LPP: variants seen among roughly 807,000 people sequenced by gnomAD.
LPP encodes the protein LIM domain containing preferred translocation partner in lipoma.
Under a neutral mutation model 60.4 loss-of-function variants are expected in LPP, and 38 were observed. The observed-to-expected ratio is 0.63, with a 90% CI of 0.49 to 0.83. The LOEUF (loss-of-function observed/expected upper bound fraction) is 0.83. Among genes scored for constraint, LPP ranks in the 40% least tolerant of loss-of-function variants. The probability of loss-of-function intolerance (pLI) is 0.00; values close to 1 mark genes in which losing one functional copy is unlikely to be tolerated. For synonymous variants in LPP, 328 were observed against 290.8 expected, an observed-to-expected ratio of 1.13 and a Z score of -1.30; for missense variants, 902 against 783.6, an observed-to-expected ratio of 1.15 and a Z score of -1.80.
At chr3:188,705,806 G>A (rs952111915) in intron 7 of LPP, among the ~76,000 whole-genome samples, 4 of 151,958 alleles carry the variant, frequency 2.6e-5, no homozygotes, top group South Asian at 2.1e-4. Context: ...TAGTAGATAC[G>A]GGGTTTCACA....
intron 1 of LPP, among the ~76,000 whole-genome samples, chr3:188,217,000 G>A (rs191953837): frequency 1.4e-3 from 219 of 152,256 alleles, no homozygotes; most frequent in Admixed American, 4.7e-3. Flanking sequence ...ACTGTTCTGG[G>A]CATTATCCCA....
At position 188,878,115 on chromosome 3, in the gene LPP, C is replaced by T; in HGVS notation, c.*3636C>T. On this transcript the variant is annotated 3_prime_UTR_variant, in exon 12 of 12. Coordinates refer to ENST00000617246, the MANE Select transcript of LPP (RefSeq NM_001375462.1). ...GAGTTAGTGGAATATAGACAGGACT[C>T]TGAAAACACAACTTCCAGCCATTTT... 4.5e-6 allele frequency: 1 copy of T among 221,530 alleles called. No homozygotes were observed. The highest frequency in any genetic ancestry group is 9.1e-6 in the Non-Finnish European group (1 of 110,478). 13.7% of individuals were successfully genotyped at this position (221,530 alleles called of 1,614,324 possible).
chr3:188,394,894 A>G (rs928368424), intron 3 of LPP, among the ~76,000 whole-genome samples: 4 of 152,182 alleles, frequency 2.6e-5, no homozygotes, highest in Admixed American at 2.0e-4. Context: ...CCAGTTGAAA[A>G]TGCTTCCAAT....
intron 5 of LPP, among the ~76,000 whole-genome samples, chr3:188,511,099 C>CCCTCT (rs1815382094): frequency 8.0e-6 from 1 of 124,804 alleles, no homozygotes; most frequent in Non-Finnish European, 1.7e-5. Context: ...CCCCTCCCTC[C>CCCTCT]CTCCCTCCTT....
chr3:188,812,650 T>C (rs1751325937), intron 9 of LPP, among the ~76,000 whole-genome samples: 1 of 152,160 alleles, frequency 6.6e-6, no homozygotes, highest in African/African-American at 2.4e-5. Flanking sequence ...TAGCGTTCTC[T>C]TTGTAGATGT....
At position 188,309,991 on chromosome 3, in the gene LPP, A is replaced by G. The variant is rs535454756; in HGVS notation, c.-66-31672A>G. Reference sequence around the variant, plus strand: ...TCCTTATTTCTTTAAATGAGAATTGATAATACCCATAACAGAATCTTTCAC... The same window carrying G: ...TCCTTATTTCTTTAAATGAGAATTGGTAATACCCATAACAGAATCTTTCAC... On this transcript the variant is annotated intron_variant, in intron 2 of 11. Coordinates refer to ENST00000617246, the MANE Select transcript of LPP (RefSeq NM_001375462.1). Among the ~76,000 whole-genome samples, 593 of 152,272 alleles carry G rather than the reference A, an allele frequency of 3.9e-3. 2 individuals are homozygous for G. The highest frequency in any genetic ancestry group is 5.3e-3 in the Non-Finnish European group (360 of 68,032).
intron 4 of LPP, among the ~76,000 whole-genome samples, chr3:188,420,523 A>G (rs567383633): frequency 6.6e-6 from 1 of 152,122 alleles, no homozygotes; most frequent in South Asian, 2.1e-4. Flanking sequence ...TTAATTAGGG[A>G]TTTTATTTTG....
chr3:188,454,932 G>T (rs752073435), intron 4 of LPP, among the ~76,000 whole-genome samples: 35 of 152,186 alleles, frequency 2.3e-4, no homozygotes, highest in Admixed American at 5.2e-4. Flanking sequence ...CAAGTTACCT[G>T]CTTATCTAAA....
chr3:188,809,940 C>A (rs1426112610), intron 9 of LPP, among the ~76,000 whole-genome samples: 2 of 152,074 alleles, frequency 1.3e-5, no homozygotes, highest in Non-Finnish European at 2.9e-5. Context: ...AATAAGGAAC[C>A]CTTTCCCCAT....
intron 4 of LPP, among the ~76,000 whole-genome samples, chr3:188,462,251 T>G (rs1799133728): frequency 6.6e-6 from 1 of 151,516 alleles, no homozygotes; most frequent in Non-Finnish European, 1.5e-5. Flanking sequence ...ATTATTATTA[T>G]TCTCATTTTG....
chr3:188,267,422 A>T (rs893779030), intron 2 of LPP, among the ~76,000 whole-genome samples: 4 of 152,192 alleles, frequency 2.6e-5, no homozygotes, highest in Non-Finnish European at 5.9e-5. Flanking sequence ...TTTCTTCTTC[A>T]TGGAAACTCT....
intron 9 of LPP, among the ~76,000 whole-genome samples, chr3:188,803,382 G>A (rs1042293425): frequency 2.0e-5 from 3 of 152,148 alleles, no homozygotes; most frequent in African/African-American, 7.2e-5. Flanking sequence ...ATGTTCATGA[G>A]GTTCTTCTAA....
chr3:188,725,954 A>G (rs919642980), intron 8 of LPP, among the ~76,000 whole-genome samples: 2 of 152,196 alleles, frequency 1.3e-5, no homozygotes, highest in Non-Finnish European at 2.9e-5. Context: ...AACACCAAAA[A>G]AAGTGCAATA....
chr3:188,694,714 A>AAC (rs57715645), intron 7 of LPP, among the ~76,000 whole-genome samples: 10 of 152,108 alleles, frequency 6.6e-5, no homozygotes, highest in East Asian at 3.9e-4. Context: ...AAAAAAATAA[A>AAC]TAAAAACTAA....
intron 6 of LPP, among the ~76,000 whole-genome samples, chr3:188,549,631 A>G (rs1256790907): frequency 6.6e-6 from 1 of 152,172 alleles, no homozygotes; most frequent in African/African-American, 2.4e-5. Flanking sequence ...TCTCCAGAGT[A>G]CAAGATCTTG....
intron 3 of LPP, among the ~76,000 whole-genome samples, chr3:188,348,322 A>AT (rs1408407960): frequency 2.0e-5 from 3 of 151,510 alleles, no homozygotes; most frequent in Non-Finnish European, 4.4e-5. Flanking sequence ...AATTTTTTGT[A>AT]TTTTTAGTAG....
At chr3:188,552,000 CAACA>C (rs57372999) in intron 6 of LPP, among the ~76,000 whole-genome samples, 59,607 of 151,442 alleles carry the variant, frequency 0.39, 13,284 homozygotes, top group East Asian at 0.92. Context: ...ACATTAACAA[CAACA>C]AACAAACAAA....
intron 1 of LPP, among the ~76,000 whole-genome samples, chr3:188,204,444 T>C (rs1005321439): frequency 1.3e-5 from 2 of 152,070 alleles, no homozygotes; most frequent in African/African-American, 4.8e-5. Context: ...AATCTTGCAA[T>C]TGGAGTAGCG....
At position 188,305,002 on chromosome 3, in the gene LPP, A is replaced by G. The variant is rs144120207; in HGVS notation, c.-66-36661A>G. On this transcript the variant is annotated intron_variant, in intron 2 of 11. Coordinates refer to ENST00000617246, the MANE Select transcript of LPP (RefSeq NM_001375462.1). ...AAATAAAGATAATAGCAAAAGACTG[A>G]TACATTTCCTAGCTTGCACATTTCT... is the stretch of plus-strand genomic sequence containing the variant. Among the ~76,000 whole-genome samples, 9 of 152,306 alleles carry G rather than the reference A, an allele frequency of 5.9e-5. No individual in the cohort carries two copies. In the East Asian group the frequency reaches 1.7e-3, roughly 29 times the overall value.
Sources: allele counts gnomAD v4.1 joint callset (sites outside exome capture counted in the v4.1 genomes callset), GRCh38; gene constraint gnomAD v4.1.1; transcripts MANE v1.5; gene names NCBI Gene and HGNC (gene_info 2026-07-23, HGNC 2026-07-21).